The following NPAS3 variants were observed in gnomAD, a reference collection of about 807,000 sequenced individuals.
The protein encoded by NPAS3 is neuronal PAS domain protein 3.
Under a neutral mutation model 73.1 loss-of-function variants are expected in NPAS3, and 14 were observed. The ratio of observed to expected loss-of-function variants is 0.19; its 90% CI spans 0.13 to 0.30. The LOEUF is 0.30. Among genes scored for constraint, NPAS3 ranks in the 10% least tolerant of loss-of-function variants. The pLI, the probability that NPAS3 is intolerant of heterozygous loss-of-function variation, is 1.00. For synonymous variants in NPAS3, 620 were observed against 541.5 expected (o/e 1.14, Z -2.01); for missense variants, 1,096 against 1,250.0 (o/e 0.88, Z 1.86).
chr14:33,263,661 G>A (rs2049059287), intron 3 of NPAS3, among the ~76,000 whole-genome samples: 1 of 152,146 alleles, frequency 6.6e-6, no homozygotes, highest in Non-Finnish European at 1.5e-5. Flanking sequence ...TGTGAAGAAA[G>A]TCATTGGTAG....
At chr14:33,621,841 TGAA>T (rs2058084304) in intron 5 of NPAS3, among the ~76,000 whole-genome samples, 1 of 151,998 alleles carries the variant, frequency 6.6e-6, no homozygotes, top group Non-Finnish European at 1.5e-5. Context: ...GTTTTAGAAA[TGAA>T]GAAACTCTGA....
chr14:33,387,956 G>A (rs893179122), intron 4 of NPAS3, among the ~76,000 whole-genome samples: 2 of 152,166 alleles, frequency 1.3e-5, no homozygotes, highest in African/African-American at 4.8e-5. Flanking sequence ...ACTAGTCATG[G>A]TAGAGTCAAA....
At chr14:33,325,676 T>A (rs1417245199) in intron 3 of NPAS3, among the ~76,000 whole-genome samples, 1 of 150,134 alleles carries the variant, frequency 6.7e-6, no homozygotes, top group Non-Finnish European at 1.5e-5. Flanking sequence ...TAAGTTATTA[T>A]TGACTATAGT....
chr14:33,447,891 G>A (rs2049593293), intron 4 of NPAS3, among the ~76,000 whole-genome samples: 1 of 152,014 alleles, frequency 6.6e-6, no homozygotes, highest in Admixed American at 6.6e-5. Context: ...CTCTAGCCTG[G>A]ATGAAAAAGT....
intron 5 of NPAS3, among the ~76,000 whole-genome samples, chr14:33,622,891 C>T (rs1390468426): frequency 1.3e-5 from 2 of 152,098 alleles, no homozygotes; most frequent in African/African-American, 4.8e-5. Context: ...GCACCCAATA[C>T]CATGCTAGGT....
At chr14:33,085,890 T>C (rs2042009169) in intron 2 of NPAS3, among the ~76,000 whole-genome samples, 1 of 152,162 alleles carries the variant, frequency 6.6e-6, no homozygotes. Context: ...ATTGACTAAA[T>C]ATTATGATGG....
intron 1 of NPAS3, among the ~76,000 whole-genome samples, chr14:32,972,200 AG>A (rs1433805563): frequency 6.6e-6 from 1 of 151,308 alleles, no homozygotes; most frequent in African/African-American, 2.4e-5. Flanking sequence ...AGCCTCCCAA[AG>A]TGCTGGGATT....
chr14:33,240,775 T>TA (rs753633151), intron 3 of NPAS3, among the ~76,000 whole-genome samples: 12 of 151,924 alleles, frequency 7.9e-5, no homozygotes, highest in Admixed American at 2.0e-4. Context: ...AAGCACCTCT[T>TA]AGGGACTTAA....
intron 2 of NPAS3, among the ~76,000 whole-genome samples, chr14:33,064,203 AT>A (rs1295021978): frequency 6.6e-6 from 1 of 152,202 alleles, no homozygotes; most frequent in African/African-American, 2.4e-5. Flanking sequence ...TGAAAAATAC[AT>A]ATTATCAAAA....
At chr14:33,085,836 T>C (rs2042007346) in intron 2 of NPAS3, among the ~76,000 whole-genome samples, 1 of 152,248 alleles carries the variant, frequency 6.6e-6, no homozygotes, top group African/African-American at 2.4e-5. Flanking sequence ...ATTGAAAGTA[T>C]TATAGTTACT....
chr14:33,048,410 A>G (rs1320954050), intron 1 of NPAS3, among the ~76,000 whole-genome samples: 2 of 152,168 alleles, frequency 1.3e-5, no homozygotes. Flanking sequence ...TACACTGGAA[A>G]TTACTTTTCC....
At chr14:33,727,793 G>A (rs894527243) in intron 6 of NPAS3, among the ~76,000 whole-genome samples, 7 of 152,104 alleles carry the variant, frequency 4.6e-5, no homozygotes, top group Non-Finnish European at 4.4e-5. Flanking sequence ...AATCCACGCA[G>A]CATCGCAGGA....
At chr14:33,038,962 T>A (rs2040261143) in intron 1 of NPAS3, among the ~76,000 whole-genome samples, 1 of 152,150 alleles carries the variant, frequency 6.6e-6, no homozygotes, top group Non-Finnish European at 1.5e-5. Flanking sequence ...TGAGTATGAG[T>A]GGCTTTTCAG....
At chr14:33,582,326 A>G (rs2149833) in intron 5 of NPAS3, among the ~76,000 whole-genome samples, 129,103 of 152,208 alleles carry the variant, frequency 0.85, 55,188 homozygotes, top group African/African-American at 0.96. Context: ...TGCTCTAAAT[A>G]TGAAAAGGAT....
At chr14:33,031,704 G>T (rs1381173705) in intron 1 of NPAS3, among the ~76,000 whole-genome samples, 2 of 152,168 alleles carry the variant, frequency 1.3e-5, no homozygotes, top group Non-Finnish European at 2.9e-5. Flanking sequence ...GCCCAAGCTG[G>T]TCTCAAACTC....
intron 7 of NPAS3, among the ~76,000 whole-genome samples, chr14:33,755,529 A>G (rs545699653): frequency 6.6e-6 from 1 of 152,196 alleles, no homozygotes; most frequent in Non-Finnish European, 1.5e-5. Flanking sequence ...GGGGGAAAGG[A>G]TTATATAGGA....
chr14:33,247,523 G>T (rs1460566370), intron 3 of NPAS3, among the ~76,000 whole-genome samples: 1 of 152,160 alleles, frequency 6.6e-6, no homozygotes, highest in African/African-American at 2.4e-5. Context: ...GATCCTGGCG[G>T]TGCATGTGCA....
chr14:33,398,919 G>A (rs1306257735), intron 4 of NPAS3, among the ~76,000 whole-genome samples: 1 of 151,930 alleles, frequency 6.6e-6, no homozygotes, highest in Non-Finnish European at 1.5e-5. Flanking sequence ...GCTACAATAT[G>A]AAAATTAATT....
chr14:33,352,102 T>A (rs1171043032), intron 3 of NPAS3, among the ~76,000 whole-genome samples: 1 of 152,184 alleles, frequency 6.6e-6, no homozygotes, highest in African/African-American at 2.4e-5. Flanking sequence ...ATACACATCT[T>A]TGAGGAAGGG....
Sources: gnomAD v4.1 joint callset for allele counts (sites outside exome capture counted in the v4.1 genomes callset) on GRCh38, gnomAD v4.1.1 for gene constraint, MANE v1.5 for transcripts, NCBI Gene and HGNC (gene_info 2026-07-23, HGNC 2026-07-21) for gene names.